The following SETD2 variants were observed in gnomAD, a reference collection of about 807,000 sequenced individuals.
The protein encoded by SETD2 is histone-lysine N-methyltransferase SETD2.
A neutral mutation model predicts 242.1 loss-of-function variants in SETD2; 31 were observed. The ratio of observed to expected loss-of-function variants is 0.13; its 90% CI spans 0.10 to 0.17. The LOEUF is 0.17. SETD2 is among the 10% of genes least tolerant of loss of function. The probability of loss-of-function intolerance (pLI) is 1.00; values close to 1 mark genes in which losing one functional copy is unlikely to be tolerated. For synonymous variants in SETD2, 1,006 were observed against 1,066.5 expected (o/e 0.94, Z 1.11); for missense variants, 2,481 against 3,046.3 (o/e 0.81, Z 4.37).
chr3:47,093,996 T>C (rs2041907881), intron 9 of SETD2, among the ~76,000 whole-genome samples: 1 of 152,240 alleles, frequency 6.6e-6, no homozygotes, highest in South Asian at 2.1e-4. Flanking sequence ...GGCTGTTCTT[T>C]TCTTATTAAT....
In SETD2 at chr3:47,122,294, G is replaced by C. The variant is rs1313153861; in HGVS notation, c.2342C>G (p.Thr781Arg). Residue 781 changes from threonine to arginine, a missense_variant, in exon 3 of 21, where the codon ACG (threonine) becomes AGG (arginine). Physicochemically the swap from Thr to Arg is moderately conservative, Grantham distance 71. Coordinates refer to ENST00000409792, the MANE Select transcript of SETD2 (RefSeq NM_014159.7). ...TTTGGTTTTGCAGCAAGAAACCCTC[G>C]TATCAACTGGTTCTTTAACTACTGT... ...SKTVVKEPVD[T>R]RVSCCKTKDS... 3.7e-6 allele frequency: 6 copies of C among 1,614,062 alleles called. No homozygotes were observed. Among genetic ancestry groups the C allele is most frequent in the South Asian group, 3.3e-5 (3 of 91,086 alleles).
In SETD2 at chr3:47,017,090, C is replaced by G. The variant is rs1437309735; in HGVS notation, c.*3G>C. ...CACCCATCCTCCCACCCTGGCCCAA[C>G]AGTCACTCTAATTCAGTGTCCTCTT... On this transcript the variant is annotated 3_prime_UTR_variant, in exon 21 of 21. Transcript: ENST00000409792. This position sits in a 1 kb window ranked among gnomAD's most constrained non-coding sequence, Gnocchi z 4.8. 1.2e-6 allele frequency: 2 copies of G among 1,613,976 alleles called. No individual in the cohort carries two copies. Among genetic ancestry groups the G allele is most frequent in the Admixed American group, 3.3e-5 (2 of 60,018 alleles).
chr3:47,089,529 A>G (rs1262807004), intron 9 of SETD2, among the ~76,000 whole-genome samples: 1 of 152,160 alleles, frequency 6.6e-6, no homozygotes, highest in Non-Finnish European at 1.5e-5. Flanking sequence ...AAGCACTAAC[A>G]AGGATTTTAT....
At chr3:47,077,343 A>C (rs1000730335) in intron 12 of SETD2, among the ~76,000 whole-genome samples, 2 of 152,142 alleles carry the variant, frequency 1.3e-5, no homozygotes, top group African/African-American at 4.8e-5. Flanking sequence ...TCGGCCTCCC[A>C]AAGTGCTGGG....
At chr3:47,143,101 T>C (rs1301361101) in intron 1 of SETD2, among the ~76,000 whole-genome samples, 1 of 152,174 alleles carries the variant, frequency 6.6e-6, no homozygotes, top group African/African-American at 2.4e-5. Context: ...AAGACTAGTC[T>C]GGGCAACATA....
intron 1 of SETD2, among the ~76,000 whole-genome samples, chr3:47,156,311 G>C (rs564715624): frequency 2.0e-5 from 3 of 152,298 alleles, no homozygotes; most frequent in Admixed American, 1.3e-4. Flanking sequence ...AGTCACTACA[G>C]TGAAAAATGA....
chr3:47,119,487 A>G (rs904303498), intron 3 of SETD2: 5 of 165,532 alleles, frequency 3.0e-5, no homozygotes, highest in Non-Finnish European at 6.6e-5. Context: ...CCCAAACTCA[A>G]CTTGAGGAGG....
At chr3:47,027,206 C>T (rs1428377249) in intron 18 of SETD2, among the ~76,000 whole-genome samples, 6 of 151,742 alleles carry the variant, frequency 4.0e-5, no homozygotes, top group African/African-American at 9.7e-5. Flanking sequence ...TGCGTGGTGG[C>T]GGGCGCCTGT....
chr3:47,062,029 T>C, intron 14 of SETD2, 134 bp downstream of exon 14: 1 of 725,892 alleles, frequency 1.4e-6, no homozygotes. Flanking sequence ...AGTAAAGTTG[T>C]ATACTCACTC....
chr3:47,093,627 G>T (rs2041891898), intron 9 of SETD2, among the ~76,000 whole-genome samples: 1 of 152,014 alleles, frequency 6.6e-6, no homozygotes. Context: ...TACTTTTTCT[G>T]ATATCATAAG....
chr3:47,121,051 A>G lies in SETD2; in HGVS notation c.3585T>C (p.Pro1195=), dbSNP rs2107749130. ...NSEETVKAKI[P]SRQQEELPIY... is the part of the protein sequence containing the mutation. ...TTGGCAGCTCTTCTTGCTGCCTAGA[A>G]GGTATTTTGGCTTTCACGGTTTCCT... The change falls in exon 3 of 21, where the codon CCT becomes CCC. Residue 1195 remains proline, a synonymous_variant. Transcript: ENST00000409792. 6.2e-7 allele frequency: 1 copy of G among 1,614,228 alleles called. No individual in the cohort carries two copies. Among genetic ancestry groups the G allele is most frequent in the Non-Finnish European group, 8.5e-7 (1 of 1,180,020 alleles).
At chr3:47,093,513 A>C (rs920861084) in intron 9 of SETD2, among the ~76,000 whole-genome samples, 14 of 151,904 alleles carry the variant, frequency 9.2e-5, no homozygotes, top group African/African-American at 3.1e-4. Context: ...CGAACTCCTG[A>C]CCTCAGGTGA....
chr3:47,161,780 G>T (rs1697493952), intron 1 of SETD2, among the ~76,000 whole-genome samples: 3 of 151,748 alleles, frequency 2.0e-5, no homozygotes, highest in African/African-American at 7.3e-5. Flanking sequence ...TGGGTGTGGT[G>T]ACACATGCCT....
intron 9 of SETD2, among the ~76,000 whole-genome samples, chr3:47,095,326 G>C (rs1157597442): frequency 6.6e-6 from 1 of 152,016 alleles, no homozygotes; most frequent in Non-Finnish European, 1.5e-5. Flanking sequence ...AGTAGAGACA[G>C]GGTTTCACCA....
In SETD2 at chr3:47,122,099, T is replaced by A. The variant is rs779569922; in HGVS notation, c.2537A>T (p.Lys846Ile). The change falls in exon 3 of 21, where the codon AAA (lysine) becomes ATA (isoleucine). Residue 846 changes from lysine (K) to isoleucine (I), a missense_variant. Physicochemically the swap from Lys to Ile is moderately radical, Grantham distance 102. Coordinates refer to ENST00000409792, the MANE Select transcript of SETD2 (RefSeq NM_014159.7). ...CTGCTTATATTCTTCACATGCAAAT[T>A]TTGAGTGATCTGTCAAATTTCTACT... The part of the protein sequence containing the change: ...CDSRNLTDHS[K>I]FACEEYKQSI... The A allele has an allele frequency of 1.9e-6, 3 of 1,613,952 alleles. No homozygotes were observed. Among genetic ancestry groups the A allele is most frequent in the Non-Finnish European group, 2.5e-6 (3 of 1,179,984 alleles).
chr3:47,151,976 G>A (rs753539083), intron 1 of SETD2, among the ~76,000 whole-genome samples: 8 of 151,992 alleles, frequency 5.3e-5, no homozygotes, highest in African/African-American at 1.5e-4. Flanking sequence ...CAATCACTAC[G>A]GTTTGAATGT....
At chr3:47,114,161 A>G (rs2042764205) in intron 4 of SETD2, among the ~76,000 whole-genome samples, 157 bp from the exon 5 acceptor site, 1 of 152,226 alleles carries the variant, frequency 6.6e-6, no homozygotes, top group African/African-American at 2.4e-5. Flanking sequence ...CTTTCCTTCC[A>G]TCACAAAGGG....
In SETD2 at chr3:47,120,165, GTATT is replaced by G; in HGVS notation, c.4454+13_4454+16del. 1 of 1,490,454 alleles carries G rather than the reference GTATT, an allele frequency of 6.7e-7. No homozygotes were observed. The allele number at this position is 1,490,454 out of a possible 1,614,324, so 92.3% of individuals were successfully genotyped here. A position where few individuals can be genotyped will look rare whatever the true frequency, so the allele number is the denominator to read the frequency against. ...AAAAGAGTTAAAATTTGTCAAACAA[GTATT>G]AATTAGACTTACCTTTCTGTTAAAT... On this transcript the variant is annotated intron_variant, in intron 3 of 20. Transcript: ENST00000409792.
intron 18 of SETD2, chr3:47,029,070 T>A (rs2038640290): frequency 1.2e-5 from 2 of 172,002 alleles, no homozygotes; most frequent in Non-Finnish European, 2.5e-5. Context: ...TTTTAATTTT[T>A]TTTTTTTTTT....
Sources: allele counts gnomAD v4.1 joint callset (sites outside exome capture counted in the v4.1 genomes callset), GRCh38; gene constraint gnomAD v4.1.1; non-coding constraint Gnocchi (gnomAD v3.1); transcripts MANE v1.5; gene names NCBI Gene and HGNC (gene_info 2026-07-23, HGNC 2026-07-21).